The following SLC16A7 variants were observed in gnomAD, a reference collection of about 807,000 sequenced individuals.
SLC16A7 encodes monocarboxylate transporter 2.
Under a neutral mutation model 34.9 loss-of-function variants are expected in SLC16A7, and 33 were observed. The observed-to-expected ratio is 0.94, with a 90% CI of 0.72 to 1.26. SLC16A7 has a LOEUF of 1.26. Ranked by LOEUF, SLC16A7 falls within the 50% of genes most tolerant of loss-of-function variation. The pLI, the probability that SLC16A7 is intolerant of heterozygous loss-of-function variation, is 0.00. For missense variants in SLC16A7, 573 were observed against 578.1 expected, an observed-to-expected ratio of 0.99 and a Z score of 0.09; for synonymous variants, 201 against 206.6, an observed-to-expected ratio of 0.97 and a Z score of 0.23.
intron 2 of SLC16A7, among the ~76,000 whole-genome samples, chr12:59,665,129 A>G (rs1869087589): frequency 6.6e-6 from 1 of 152,136 alleles, no homozygotes; most frequent in South Asian, 2.1e-4. Flanking sequence ...AGTTAAGGCT[A>G]AGGAGAGATT....
intron 1 of SLC16A7, among the ~76,000 whole-genome samples, chr12:59,599,683 G>A (rs926885864): frequency 1.3e-5 from 2 of 152,064 alleles, no homozygotes; most frequent in African/African-American, 2.4e-5. Flanking sequence ...AATGGCATGC[G>A]GCAAAGAATA....
At chr12:59,606,298 G>T (rs1878934452) in intron 1 of SLC16A7, among the ~76,000 whole-genome samples, 2 of 152,302 alleles carry the variant, frequency 1.3e-5, no homozygotes, top group South Asian at 4.1e-4. Context: ...TATAAAGTTA[G>T]TAATACCAGT....
chr12:59,749,615 T>C (rs1879278916), intron 3 of SLC16A7, among the ~76,000 whole-genome samples: 1 of 152,106 alleles, frequency 6.6e-6, no homozygotes, highest in South Asian at 2.1e-4. Context: ...ATATAGAGAG[T>C]ATCATGGATG....
chr12:59,611,934 G>C (rs977959168), intron 1 of SLC16A7, among the ~76,000 whole-genome samples: 2 of 152,226 alleles, frequency 1.3e-5, no homozygotes, highest in Admixed American at 6.5e-5. Context: ...GCAGGATACA[G>C]CTCCTGTCAC....
At chr12:59,698,841 A>C in intron 2 of SLC16A7, among the ~76,000 whole-genome samples, 1 of 151,760 alleles carries the variant, frequency 6.6e-6, no homozygotes, top group East Asian at 1.9e-4. Context: ...ACTGTGATTC[A>C]AAAAGTGATT....
At chr12:59,761,159 C>T (rs1880973365) in intron 3 of SLC16A7, 1 of 1,286,178 alleles carries the variant, frequency 7.8e-7, no homozygotes, top group Non-Finnish European at 1.0e-6. Flanking sequence ...TCTTCACATC[C>T]TTGAGGATTC....
chr12:59,673,380 A>G (rs1870044880), intron 2 of SLC16A7, among the ~76,000 whole-genome samples: 1 of 152,118 alleles, frequency 6.6e-6, no homozygotes, highest in Non-Finnish European at 1.5e-5. Flanking sequence ...ATGTGCCATA[A>G]CATAGAATAA....
intron 3 of SLC16A7, among the ~76,000 whole-genome samples, chr12:59,726,740 C>G (rs73111834): frequency 0.056 from 8,581 of 152,098 alleles, 327 homozygotes; most frequent in Non-Finnish European, 0.081. Flanking sequence ...TTTCAGGTCA[C>G]GTTTTTCCTT....
chr12:59,616,101 G>A (rs1285393503), intron 1 of SLC16A7, among the ~76,000 whole-genome samples: 1 of 152,188 alleles, frequency 6.6e-6, no homozygotes, highest in Non-Finnish European at 1.5e-5. Context: ...GATGCCTGAG[G>A]TAACTGGCTT....
chr12:59,734,792 G>A (rs961059073), intron 3 of SLC16A7, among the ~76,000 whole-genome samples: 57 of 152,302 alleles, frequency 3.7e-4, no homozygotes, highest in African/African-American at 1.3e-3. Flanking sequence ...TTTGTAACTA[G>A]ATATTATTCA....
intron 1 of SLC16A7, among the ~76,000 whole-genome samples, chr12:59,641,557 AT>A (rs75924371): frequency 0.24 from 35,578 of 151,122 alleles, 4,970 homozygotes; most frequent in East Asian, 0.66. Context: ...TTCTAGGGCT[AT>A]TTTTTTTTAG....
rs1883584861 is a variant in SLC16A7, at chr12:59,785,946, A to G, written c.*6267A>G. On this transcript the variant is annotated 3_prime_UTR_variant, in exon 6 of 6. Transcript: ENST00000547379. ...AAACTATCGCAAGAACAAAAAACCA[A>G]ACACCGCATATTCTCACTCATAGGT... 1 of 150,592 alleles carries G rather than the reference A, an allele frequency of 6.6e-6. No homozygotes were observed. The highest frequency in any genetic ancestry group is 2.4e-5 in the African/African-American group (1 of 40,982). The allele number at this position is 150,592 out of a possible 1,614,324, so 9.3% of individuals were successfully genotyped here.
intron 2 of SLC16A7, among the ~76,000 whole-genome samples, chr12:59,661,497 A>G (rs1868848560): frequency 6.6e-6 from 1 of 152,124 alleles, no homozygotes; most frequent in Non-Finnish European, 1.5e-5. Flanking sequence ...GTGGAACCCA[A>G]GGTCCTGAGC....
intron 1 of SLC16A7, among the ~76,000 whole-genome samples, chr12:59,602,843 G>A (rs932094532): frequency 1.3e-5 from 2 of 152,034 alleles, no homozygotes; most frequent in Middle Eastern, 3.4e-3. Flanking sequence ...CTGGACCTCC[G>A]CTTTCACCTC....
intron 3 of SLC16A7, chr12:59,733,752 G>A: frequency 2.2e-6 from 1 of 456,088 alleles, no homozygotes; most frequent in Non-Finnish European, 4.4e-6. Flanking sequence ...CAGGAAGAAT[G>A]AAGCACATGG....
rs980700518 is a variant in SLC16A7, at chr12:59,703,987, A to G, written c.-30-785A>G. On this transcript the variant is annotated intron_variant, in intron 2 of 5. Coordinates refer to ENST00000547379, the MANE Select transcript of SLC16A7 (RefSeq NM_001270623.2). ...GAGGCTGAGGTGGGTGGATCATCTG[A>G]GGTCAGGAGTTCGAGACCAGCTTGG... is the stretch of plus-strand genomic sequence containing the variant. Among the ~76,000 whole-genome samples, 4 of 151,980 alleles carry G rather than the reference A, an allele frequency of 2.6e-5. No homozygotes were observed. In the South Asian group the frequency reaches 8.3e-4, roughly 32 times the overall value.
At chr12:59,766,007 C>A (rs555358744) in intron 3 of SLC16A7, among the ~76,000 whole-genome samples, 4,049 of 152,062 alleles carry the variant, frequency 0.027, 169 homozygotes, top group African/African-American at 0.091. Flanking sequence ...CTTTTATTTC[C>A]TTGAGCAGTG....
intron 4 of SLC16A7, among the ~76,000 whole-genome samples, chr12:59,773,828 G>T (rs1053161838): frequency 2.0e-5 from 3 of 152,158 alleles, no homozygotes; most frequent in African/African-American, 7.2e-5. Context: ...CTCCCAAAGT[G>T]CTGGGATTAC....
At chr12:59,682,714 T>A (rs1480681571) in intron 2 of SLC16A7, among the ~76,000 whole-genome samples, 2 of 152,120 alleles carry the variant, frequency 1.3e-5, no homozygotes, top group African/African-American at 2.4e-5. Flanking sequence ...GGAAAATGGA[T>A]TTTCTTGAGA....
Sources: gnomAD v4.1 joint callset for allele counts (sites outside exome capture counted in the v4.1 genomes callset) on GRCh38, gnomAD v4.1.1 for gene constraint, MANE v1.5 for transcripts, NCBI Gene and HGNC (gene_info 2026-07-23, HGNC 2026-07-21) for gene names.